The following SLC35F1 variants were observed in gnomAD, a reference collection of about 807,000 sequenced individuals.
The protein encoded by SLC35F1 is solute carrier family 35 member F1, also known as chromosome 6 open reading frame 169.
SLC35F1 carries 14 observed loss-of-function variants against 48.7 expected under a neutral mutation model. That is an observed-to-expected ratio of 0.29 (90% CI 0.19 to 0.45). The LOEUF (loss-of-function observed/expected upper bound fraction) is 0.45. Ranked by LOEUF, SLC35F1 falls within the 20% of genes least tolerant of loss-of-function variation. The pLI is 1.00. For missense variants in SLC35F1, 404 were observed against 500.0 expected (o/e 0.81, Z 1.83); for synonymous variants, 190 against 202.2 (o/e 0.94, Z 0.51).
At chr6:117,995,435 A>G (rs1776971936) in intron 1 of SLC35F1, among the ~76,000 whole-genome samples, 1 of 152,168 alleles carries the variant, frequency 6.6e-6, no homozygotes, top group Non-Finnish European at 1.5e-5. Context: ...TATTTATTGA[A>G]TGAATGAAGC....
chr6:118,245,588 TAAA>T (rs917750149), intron 3 of SLC35F1, among the ~76,000 whole-genome samples: 6 of 152,160 alleles, frequency 3.9e-5, no homozygotes, highest in Non-Finnish European at 7.3e-5. Context: ...TTCTCACTGA[TAAA>T]GTGAACCTCC....
intron 1 of SLC35F1, among the ~76,000 whole-genome samples, chr6:118,070,093 G>A (rs1200946121): frequency 8.0e-6 from 1 of 125,320 alleles, no homozygotes; most frequent in Admixed American, 1.0e-4. Context: ...CCGAGATTGC[G>A]CCACTGCAGT....
rs1777220570 is a variant in SLC35F1, at chr6:118,009,713, TG to T, written c.173+101815del. The stretch of plus-strand genomic sequence containing the variant: ...TTGTGTTGCCATTTTCTAGTGTGCT[TG>T]TAATTATGCACTCAGTAAAACTGAG... On this transcript the variant is annotated intron_variant, in intron 1 of 7. Coordinates refer to ENST00000360388, the MANE Select transcript of SLC35F1 (RefSeq NM_001029858.4). 3.3e-5 allele frequency among the ~76,000 whole-genome samples: 5 copies of T among 152,306 alleles called. No individual in the cohort carries two copies. The East Asian group carries it at 9.6e-4, about 29-fold the overall frequency.
intron 1 of SLC35F1, among the ~76,000 whole-genome samples, chr6:118,124,789 A>G (rs1219661195): frequency 6.6e-6 from 1 of 152,188 alleles, no homozygotes; most frequent in African/African-American, 2.4e-5. Flanking sequence ...AGGAAATTCC[A>G]TATATTCTCA....
chr6:118,281,204 C>CTATATATATATATATA (rs1554244292), intron 6 of SLC35F1, among the ~76,000 whole-genome samples: 1 of 130,486 alleles, frequency 7.7e-6, no homozygotes, highest in South Asian at 2.7e-4. Flanking sequence ...CTCTCTCTCT[C>CTATATATATATATATA]TATATATATA....
intron 3 of SLC35F1, among the ~76,000 whole-genome samples, chr6:118,244,970 A>G (rs1019846390): frequency 2.0e-5 from 3 of 152,206 alleles, no homozygotes; most frequent in African/African-American, 7.2e-5. Context: ...TATCACTAGT[A>G]AGTGCATTTA....
chr6:118,174,035 C>G (rs1774450464), intron 2 of SLC35F1, among the ~76,000 whole-genome samples: 1 of 152,124 alleles, frequency 6.6e-6, no homozygotes, highest in East Asian at 1.9e-4. Context: ...CAAGAAAGAC[C>G]AATCCCAGTT....
intron 7 of SLC35F1, among the ~76,000 whole-genome samples, chr6:118,309,280 A>G (rs996567847): frequency 6.6e-6 from 1 of 151,854 alleles, no homozygotes; most frequent in African/African-American, 2.4e-5. Context: ...CTGCAGCCTC[A>G]AACTCCTGCC....
intron 6 of SLC35F1, among the ~76,000 whole-genome samples, chr6:118,284,253 G>T (rs1160464659): frequency 6.6e-6 from 1 of 152,154 alleles, no homozygotes; most frequent in Non-Finnish European, 1.5e-5. Context: ...CTTTGGAAAG[G>T]TTATTTTTAT....
At chr6:118,183,518 AAAAG>A (rs1229134088) in intron 2 of SLC35F1, among the ~76,000 whole-genome samples, 1 of 152,074 alleles carries the variant, frequency 6.6e-6, no homozygotes, top group African/African-American at 2.4e-5. Flanking sequence ...AAATTAAAAA[AAAAG>A]AAATTGTTTC....
chr6:117,976,989 A>G (rs149817957), intron 1 of SLC35F1, among the ~76,000 whole-genome samples: 2,446 of 152,314 alleles, frequency 0.016, 68 homozygotes, highest in African/African-American at 0.056. Flanking sequence ...TGCAATTTTA[A>G]TGACTGTCCA....
At chr6:118,289,552 C>G (rs1162292051) in intron 7 of SLC35F1, among the ~76,000 whole-genome samples, 5 of 152,090 alleles carry the variant, frequency 3.3e-5, no homozygotes, top group Non-Finnish European at 7.4e-5. Context: ...TTTTACAGTG[C>G]ACATATATTT....
chr6:118,244,938 C>A (rs557459944), intron 3 of SLC35F1, among the ~76,000 whole-genome samples: 1 of 152,304 alleles, frequency 6.6e-6, no homozygotes, highest in East Asian at 1.9e-4. Flanking sequence ...GGCAAGGCAA[C>A]ACAAGTGACC....
intron 1 of SLC35F1, among the ~76,000 whole-genome samples, chr6:118,073,651 T>C (rs1772775894): frequency 6.6e-6 from 1 of 152,196 alleles, no homozygotes; most frequent in Non-Finnish European, 1.5e-5. Flanking sequence ...AAAATGAGAT[T>C]TATAAGTGAA....
At chr6:118,198,367 T>A (rs936290541) in intron 2 of SLC35F1, among the ~76,000 whole-genome samples, 2 of 152,176 alleles carry the variant, frequency 1.3e-5, no homozygotes, top group East Asian at 1.9e-4. Context: ...ACCATAAAAG[T>A]GTTTCAAACT....
intron 1 of SLC35F1, among the ~76,000 whole-genome samples, chr6:117,967,725 A>G (rs746839239): frequency 6.6e-6 from 1 of 152,218 alleles, no homozygotes; most frequent in Non-Finnish European, 1.5e-5. Context: ...AGTTAATGAA[A>G]GTTAACTTAA....
intron 3 of SLC35F1, among the ~76,000 whole-genome samples, chr6:118,244,590 T>C (rs1437259199): frequency 6.6e-6 from 1 of 152,278 alleles, no homozygotes; most frequent in Non-Finnish European, 1.5e-5. Context: ...GTAACAGCCA[T>C]GTTTGCAAGA....
intron 1 of SLC35F1, among the ~76,000 whole-genome samples, chr6:117,954,155 A>G (rs1031076562): frequency 6.6e-6 from 1 of 152,212 alleles, no homozygotes; most frequent in African/African-American, 2.4e-5. Context: ...CATCTTGATC[A>G]TGGATTATGA....
intron 7 of SLC35F1, among the ~76,000 whole-genome samples, chr6:118,307,416 T>C (rs1776324167): frequency 6.6e-6 from 1 of 152,046 alleles, no homozygotes; most frequent in African/African-American, 2.4e-5. Flanking sequence ...TATCACAATA[T>C]TTAACCAGAA....
Sources: allele counts gnomAD v4.1 joint callset (sites outside exome capture counted in the v4.1 genomes callset), GRCh38; gene constraint gnomAD v4.1.1; transcripts MANE v1.5; gene names NCBI Gene and HGNC (gene_info 2026-07-23, HGNC 2026-07-21).